The following TPRA1 variants were observed in gnomAD, a reference collection of about 807,000 sequenced individuals.
The protein encoded by TPRA1 is transmembrane protein adipocyte-associated 1.
In TPRA1, 28 loss-of-function variants were observed where a neutral mutation model predicts 40.1. The ratio of observed to expected loss-of-function variants is 0.70; its 90% confidence interval spans 0.52 to 0.96. The LOEUF (loss-of-function observed/expected upper bound fraction) is 0.96, where lower values mean the gene tolerates loss of function less well. TPRA1 is among the 40% of genes least tolerant of loss of function. TPRA1 has a pLI of 0.00. For missense variants in TPRA1, 441 were observed against 482.6 expected, an observed-to-expected ratio of 0.91 and a Z score of 0.81; for synonymous variants, 219 against 209.7, an observed-to-expected ratio of 1.04 and a Z score of -0.38.
chr3:127,575,083 G>A (rs2073543667), intron 10 of TPRA1, 102 bp downstream of exon 10: 1 of 1,280,478 alleles, frequency 7.8e-7, no homozygotes, highest in Non-Finnish European at 1.1e-6. Flanking sequence ...CATGCGCACT[G>A]TATGCATACA....
intron 1 of TPRA1, among the ~76,000 whole-genome samples, chr3:127,596,425 C>A (rs1446201891): frequency 6.6e-6 from 1 of 152,204 alleles, no homozygotes; most frequent in Non-Finnish European, 1.5e-5. Flanking sequence ...CAAGCCCATG[C>A]AGAGTCTCTT....
chr3:127,571,691 G>A lies in TPRA1; in HGVS notation c.*1830C>T, dbSNP rs2073380455. On this transcript the variant is annotated 3_prime_UTR_variant, in exon 11 of 11. Coordinates refer to ENST00000355552, the MANE Select transcript of TPRA1 (RefSeq NM_001136053.4). ...ACACAGGATGGCTCTGGAAGGTTATGGAGACCCTGGGTGCTTCAGGAGGGG... is the reference window on the plus strand; with the variant it reads ...ACACAGGATGGCTCTGGAAGGTTATAGAGACCCTGGGTGCTTCAGGAGGGG... The A allele has an allele frequency of 6.6e-6, 1 of 152,188 alleles. No homozygotes were observed. The highest frequency in any genetic ancestry group is 6.5e-5 in the Admixed American group (1 of 15,280). 9.4% of individuals were successfully genotyped at this position (152,188 alleles called of 1,614,324 possible). A position where few individuals can be genotyped will look rare whatever the true frequency, so the allele number is the denominator to read the frequency against.
chr3:127,575,994 G>A lies in TPRA1; in HGVS notation c.555C>T (p.Ile185=). The stretch of plus-strand genomic sequence containing the variant: ...AGAACTGGCGGCCCCCATGGCCATA[G>A]ATATTAAAGTCCTCAGCTGAGAGAT... The part of the protein sequence containing the change: ...DAHLSAEDFN[I]YGHGGRQFWL... The change falls in exon 7 of 11, where the codon ATC becomes ATT. Residue 185 remains isoleucine, a synonymous_variant. Coordinates refer to ENST00000355552, the MANE Select transcript of TPRA1 (RefSeq NM_001136053.4). The A allele has an allele frequency of 1.2e-6, 2 of 1,614,080 alleles. No homozygotes were observed. Among genetic ancestry groups the A allele is most frequent in the South Asian group, 2.2e-5 (2 of 91,086 alleles).
intron 1 of TPRA1, among the ~76,000 whole-genome samples, chr3:127,596,005 G>C (rs2074236917): frequency 6.6e-6 from 1 of 152,134 alleles, no homozygotes; most frequent in African/African-American, 2.4e-5. Context: ...GCACCCAGTG[G>C]CATCGTGTCC....
At chr3:127,578,749 T>C (rs903620042) in intron 3 of TPRA1, among the ~76,000 whole-genome samples, 2 of 152,128 alleles carry the variant, frequency 1.3e-5, no homozygotes, top group African/African-American at 4.8e-5. Context: ...GCCCCTTGTC[T>C]GTCTCTCTGC....
At chr3:127,592,380 T>TG (rs1391054470), upstream of TPRA1, among the ~76,000 whole-genome samples, 10 of 139,592 alleles carry the variant, frequency 7.2e-5, no homozygotes, top group Middle Eastern at 3.5e-3. Context: ...TTTTTTTTTT[T>TG]TTTTTTTTTT....
Position 127,588,827 on chromosome 3 carries a change from G to A in TPRA1, c.-18+1583C>T, listed in dbSNP as rs187580628. Among the ~76,000 whole-genome samples, 264 of 152,340 alleles carry A rather than the reference G, an allele frequency of 1.7e-3. 1 individual carries two copies. The highest frequency in any genetic ancestry group is 6.1e-3 in the African/African-American group (252 of 41,576). Reference sequence around the variant, plus strand: ...AACAATGGCATCGCCTTCTAAGGGAGAGAGGACAATTACTGTCCCCTTATA... The same window carrying A: ...AACAATGGCATCGCCTTCTAAGGGAAAGAGGACAATTACTGTCCCCTTATA... On this transcript the variant is annotated intron_variant, in intron 1 of 10. Transcript: ENST00000355552.
chr3:127,575,071 C>T, intron 10 of TPRA1, 114 bp downstream of exon 10: 2 of 1,134,176 alleles, frequency 1.8e-6, no homozygotes, highest in Non-Finnish European at 2.6e-6. Context: ...TATGTGCGTG[C>T]GCATGCGCAC....
chr3:127,585,321 A>C (rs2073966564), intron 1 of TPRA1, among the ~76,000 whole-genome samples: 1 of 152,242 alleles, frequency 6.6e-6, no homozygotes, highest in Admixed American at 6.5e-5. Flanking sequence ...AAGGGCAAAA[A>C]ACAGGCCAGG....
intron 1 of TPRA1, among the ~76,000 whole-genome samples, chr3:127,581,334 C>A (rs970723212): frequency 2.0e-5 from 3 of 152,182 alleles, no homozygotes; most frequent in Non-Finnish European, 4.4e-5. Flanking sequence ...TTGACACTTG[C>A]ACAGCATAAA....
chr3:127,580,356 C>T, intron 1 of TPRA1, 193 bp from the exon 2 acceptor site: 1 of 599,124 alleles, frequency 1.7e-6, no homozygotes, highest in Non-Finnish European at 2.9e-6. Context: ...GGGGCCCAGT[C>T]CCCCATCTCA....
intron 1 of TPRA1, chr3:127,587,261 C>T (rs1200976064): frequency 1.3e-5 from 2 of 152,292 alleles, no homozygotes; most frequent in South Asian, 4.1e-4. Context: ...CTCAGGTACC[C>T]GCCTCAGAGT....
upstream of TPRA1, among the ~76,000 whole-genome samples, chr3:127,594,333 T>C (rs575683681): frequency 4.4e-4 from 67 of 152,282 alleles, no homozygotes; most frequent in South Asian, 5.4e-3. Context: ...CCTCAGGCTA[T>C]GGGACCCACA....
chr3:127,578,489 C>T (rs1212987269), intron 3 of TPRA1, among the ~76,000 whole-genome samples: 2 of 152,204 alleles, frequency 1.3e-5, no homozygotes, highest in African/African-American at 2.4e-5. Flanking sequence ...GGGCTGGGCC[C>T]TGTTATATGT....
At chr3:127,591,799 G>A (rs1247156020), upstream of TPRA1, 1 of 152,200 alleles carries the variant, frequency 6.6e-6, no homozygotes, top group Non-Finnish European at 1.5e-5. Context: ...GAGCCAAGCT[G>A]CAGGATGTCC....
In TPRA1 at chr3:127,576,915, C is replaced by T. The variant is rs764131480; in HGVS notation, c.346-22G>A. On this transcript the variant is annotated intron_variant, in intron 4 of 10. Coordinates refer to ENST00000355552, the MANE Select transcript of TPRA1 (RefSeq NM_001136053.4). This position sits in a 1 kb window ranked among gnomAD's most constrained non-coding sequence, Gnocchi z 4.6. ...GGATCTGCACGCAGAGTGGGCACAGCGTCAGCCTGGACCAGCATCCCCAGC... is the reference window on the plus strand; with the variant it reads ...GGATCTGCACGCAGAGTGGGCACAGTGTCAGCCTGGACCAGCATCCCCAGC... 7 of 1,613,556 alleles carry T rather than the reference C, an allele frequency of 4.3e-6. No individual in the cohort carries two copies. Among genetic ancestry groups the T allele is most frequent in the Non-Finnish European group, 2.5e-6 (3 of 1,179,990 alleles).
chr3:127,580,000 C>T (rs746811343), intron 2 of TPRA1, 22 bp downstream of exon 2: 1 of 1,612,862 alleles, frequency 6.2e-7, no homozygotes. Flanking sequence ...AGCGAGCCTG[C>T]CCAGCGTTGT....
At chr3:127,593,761 G>A (rs1292499993), upstream of TPRA1, among the ~76,000 whole-genome samples, 2 of 152,198 alleles carry the variant, frequency 1.3e-5, no homozygotes, top group African/African-American at 4.8e-5. Flanking sequence ...CCAAGTGGTA[G>A]CCCTGACCAC....
rs377393713 is a variant in TPRA1, at chr3:127,575,977, C to T, written c.572G>A (p.Arg191His). The T allele has an allele frequency of 2.5e-5, 41 of 1,613,946 alleles. No individual in the cohort carries two copies. Among genetic ancestry groups the T allele is most frequent in the African/African-American group, 2.5e-4 (19 of 74,946 alleles). The change falls in exon 7 of 11, where the codon CGC (arginine) becomes CAC (histidine). Residue 191 changes from arginine (R) to histidine (H), a missense_variant. Coordinates refer to ENST00000355552, the MANE Select transcript of TPRA1 (RefSeq NM_001136053.4). The part of the protein sequence containing the change: ...EDFNIYGHGG[R>H]QFWLVSSCFF... ...GCAGGAGCTGACCAGCCAGAACTGG[C>T]GGCCCCCATGGCCATAGATATTAAA...
Sources: gnomAD v4.1 joint callset for allele counts (sites outside exome capture counted in the v4.1 genomes callset) on GRCh38, gnomAD v4.1.1 for gene constraint, Gnocchi (gnomAD v3.1) non-coding constraint, MANE v1.5 for transcripts, NCBI Gene and HGNC (gene_info 2026-07-23, HGNC 2026-07-21) for gene names.